The following FSIP1 variants were observed in gnomAD, a reference collection of about 807,000 sequenced individuals.
FSIP1 encodes fibrous sheath-interacting protein 1.
Under a neutral mutation model 60.9 loss-of-function variants are expected in FSIP1, and 65 were observed. The ratio of observed to expected loss-of-function variants is 1.07; its 90% CI spans 0.87 to 1.31. FSIP1 has a LOEUF of 1.31. Among genes scored for constraint, FSIP1 ranks in the 40% most tolerant of loss-of-function variants. The pLI is 0.00. For missense variants in FSIP1, 675 were observed against 665.5 expected (o/e 1.01, Z -0.16); for synonymous variants, 209 against 221.2 (o/e 0.94, Z 0.49).
chr15:39,658,242 G>A (rs964282406), intron 10 of FSIP1, among the ~76,000 whole-genome samples: 4 of 145,030 alleles, frequency 2.8e-5, no homozygotes, highest in African/African-American at 1.0e-4. Flanking sequence ...TTCAACCTAA[G>A]CAGACATGAT....
intron 10 of FSIP1, among the ~76,000 whole-genome samples, chr15:39,626,958 A>G (rs60884629): frequency 0.15 from 22,874 of 152,012 alleles, 2,233 homozygotes; most frequent in African/African-American, 0.27. Context: ...TCACTAGTGT[A>G]GCACTATCTG....
chr15:39,617,936 C>A lies in FSIP1; in HGVS notation c.1498G>T (p.Glu500Ter), dbSNP rs748823652. 1.2e-5 allele frequency: 20 copies of A among 1,614,090 alleles called. No individual in the cohort carries two copies. The Admixed American group carries it at 3.3e-4, about 27-fold the overall frequency. Reference protein sequence around the residue: ...GHNMSEALVTEAENMKCLQFS... With the variant: ...GHNMSEALVT ...TGAAGGCATTTCATATTCTCTGCTTCAGTGACAAGAGCTTCTGACATGTTA... is the reference window on the plus strand; with the variant it reads ...TGAAGGCATTTCATATTCTCTGCTTAAGTGACAAGAGCTTCTGACATGTTA... Residue 500 changes from glutamate to a stop codon, truncating the protein, a stop_gained, in exon 11 of 12, where the codon GAA (glutamate) becomes TAA (stop). Coordinates refer to ENST00000350221, the MANE Select transcript of FSIP1 (RefSeq NM_152597.5). LOFTEE classifies it high-confidence loss of function.
In FSIP1 at chr15:39,707,223, CCTGA is replaced by C. The variant is rs149827914; in HGVS notation, c.1188+6217_1188+6220del. On this transcript the variant is annotated intron_variant, in intron 10 of 11. Transcript: ENST00000350221. ...GCTGTCAGAGAAACCTTTCAGCCTTCCTGACTGGCTCCATTTCGCAGCAGGGTTT... is the reference window on the plus strand; with the variant it reads ...GCTGTCAGAGAAACCTTTCAGCCTTCCTGGCTCCATTTCGCAGCAGGGTTT... Among the ~76,000 whole-genome samples the C allele has an allele frequency of 1.4e-3, 217 of 152,284 alleles. 1 individual carries two copies. Among genetic ancestry groups the C allele is most frequent in the African/African-American group, 5.0e-3 (209 of 41,552 alleles).
intron 8 of FSIP1, among the ~76,000 whole-genome samples, chr15:39,728,680 T>C (rs1166529398): frequency 6.6e-6 from 1 of 152,094 alleles, no homozygotes; most frequent in Non-Finnish European, 1.5e-5. Context: ...ACCTAGGAAA[T>C]ACCATTGTGG....
At chr15:39,649,208 T>C (rs1202173160) in intron 10 of FSIP1, among the ~76,000 whole-genome samples, 1 of 152,260 alleles carries the variant, frequency 6.6e-6, no homozygotes, top group Non-Finnish European at 1.5e-5. Context: ...TCACATAAAC[T>C]GTTTTGCAAT....
chr15:39,601,532 G>T (rs931536650), intron 11 of FSIP1, among the ~76,000 whole-genome samples: 1 of 152,142 alleles, frequency 6.6e-6, no homozygotes, highest in Admixed American at 6.5e-5. Flanking sequence ...CATAGACCTG[G>T]CAATTCCACT....
At chr15:39,780,172 C>G (rs1214451886) in intron 1 of FSIP1, among the ~76,000 whole-genome samples, 1 of 152,170 alleles carries the variant, frequency 6.6e-6, no homozygotes, top group Non-Finnish European at 1.5e-5. Flanking sequence ...CGACTCCTCC[C>G]CAACGCAGAC....
In FSIP1 at chr15:39,600,126, C is replaced by T. The variant is rs1348482368; in HGVS notation, c.*754G>A. ...ACTGGACTTCCAATTCTAATGCCAA[C>T]TCATCTTATGGAATGTCAACACAAA... On this transcript the variant is annotated 3_prime_UTR_variant, in exon 12 of 12. Coordinates refer to ENST00000350221, the MANE Select transcript of FSIP1 (RefSeq NM_152597.5). 1 of 152,184 alleles carries T rather than the reference C, an allele frequency of 6.6e-6. No homozygotes were observed. 9.4% of individuals were successfully genotyped at this position (152,184 alleles called of 1,614,324 possible).
intron 5 of FSIP1, among the ~76,000 whole-genome samples, chr15:39,756,594 C>A (rs966378489): frequency 6.6e-6 from 1 of 152,076 alleles, no homozygotes; most frequent in Non-Finnish European, 1.5e-5. Flanking sequence ...GACTCCACTT[C>A]CCAAAGCGCT....
At chr15:39,692,944 A>C (rs971449687) in intron 10 of FSIP1, among the ~76,000 whole-genome samples, 27 of 152,218 alleles carry the variant, frequency 1.8e-4, no homozygotes, top group Admixed American at 7.2e-4. Flanking sequence ...CCTGGGTACA[A>C]GGCAGAAGGG....
chr15:39,737,178 T>C (rs1050628040), intron 8 of FSIP1, among the ~76,000 whole-genome samples: 1 of 152,170 alleles, frequency 6.6e-6, no homozygotes, highest in African/African-American at 2.4e-5. Context: ...TTCTCAAGTT[T>C]AGTATGTAAA....
chr15:39,768,360 T>C (rs1897762321), intron 3 of FSIP1, among the ~76,000 whole-genome samples: 1 of 152,242 alleles, frequency 6.6e-6, no homozygotes, highest in Non-Finnish European at 1.5e-5. Flanking sequence ...AGTTTAACTT[T>C]TCTTATGTGA....
At chr15:39,762,460 C>T (rs1311827231) in intron 5 of FSIP1, among the ~76,000 whole-genome samples, 1 of 152,166 alleles carries the variant, frequency 6.6e-6, no homozygotes, top group Non-Finnish European at 1.5e-5. Flanking sequence ...TTAACTAAGT[C>T]TCTGCAAAGA....
intron 10 of FSIP1, 93 bp downstream of exon 10, chr15:39,713,351 G>T (rs1324720499): frequency 6.7e-6 from 8 of 1,196,800 alleles, no homozygotes; most frequent in Non-Finnish European, 9.2e-6. Context: ...CAGGTCACTT[G>T]AGCCCAGAAG....
intron 5 of FSIP1, among the ~76,000 whole-genome samples, chr15:39,753,549 G>T (rs1221054722): frequency 6.6e-5 from 10 of 151,946 alleles, no homozygotes; most frequent in African/African-American, 2.2e-4. Flanking sequence ...AGAAGGGTTG[G>T]CCCAGGAATA....
At chr15:39,723,396 T>C (rs192471777) in intron 9 of FSIP1, among the ~76,000 whole-genome samples, 4 of 152,280 alleles carry the variant, frequency 2.6e-5, no homozygotes, top group East Asian at 3.9e-4. Flanking sequence ...ACCTGGCTAA[T>C]TTTTTGGTAT....
chr15:39,759,728 G>C (rs561574397), intron 5 of FSIP1, among the ~76,000 whole-genome samples: 2 of 152,134 alleles, frequency 1.3e-5, no homozygotes, highest in African/African-American at 2.4e-5. Flanking sequence ...AGGAATTTCT[G>C]TTCCTCCCTC....
intron 5 of FSIP1, among the ~76,000 whole-genome samples, chr15:39,762,896 TC>T (rs966892642): frequency 2.0e-5 from 3 of 152,100 alleles, no homozygotes; most frequent in Non-Finnish European, 4.4e-5. Flanking sequence ...ACCACACACA[TC>T]TATTATTGAC....
intron 10 of FSIP1, among the ~76,000 whole-genome samples, 191 bp downstream of exon 10, chr15:39,713,253 T>C (rs1895595898): frequency 6.6e-6 from 1 of 152,136 alleles, no homozygotes. Context: ...GGTACAAGTG[T>C]TGGTTACAAT....
Sources: gnomAD v4.1 joint callset for allele counts (sites outside exome capture counted in the v4.1 genomes callset) on GRCh38, gnomAD v4.1.1 for gene constraint, MANE v1.5 for transcripts, NCBI Gene and HGNC (gene_info 2026-07-23, HGNC 2026-07-21) for gene names.